Variants in MID1 observed in about 807,000 individuals in gnomAD.
MID1 encodes the protein E3 ubiquitin-protein ligase Midline-1.
In MID1, 7 loss-of-function variants were observed where a neutral mutation model predicts 40.4. That is an observed-to-expected ratio of 0.17 (90% CI 0.10 to 0.33). The LOEUF (loss-of-function observed/expected upper bound fraction) is 0.33, where lower values mean the gene tolerates loss of function less well. MID1 is among the 10% of genes least tolerant of loss of function. The pLI is 1.00. For synonymous variants in MID1, 229 were observed against 221.2 expected (o/e 1.04, Z -0.31); for missense variants, 367 against 558.5 (o/e 0.66, Z 3.46).
At chrX:10,787,084 T>C (rs1436352822) in intron 1 of MID1, among the ~76,000 whole-genome samples, 1 of 111,858 alleles carries the variant, frequency 8.9e-6, no homozygotes, top group Non-Finnish European at 1.9e-5. Flanking sequence ...TACAGGTTTA[T>C]TGTGGACAGT....
intron 2 of MID1, among the ~76,000 whole-genome samples, chrX:10,527,616 A>AC (rs1932857675): frequency 9.0e-6 from 1 of 110,820 alleles, no homozygotes; most frequent in African/African-American, 3.3e-5. Context: ...GTGCCTTTTC[A>AC]CCCCAGGGCC....
Position 10,450,891 on chromosome X carries a change from C to G in MID1, c.1656-1175G>C, listed in dbSNP as rs757453190. On this transcript the variant is annotated intron_variant, in intron 9 of 9. Transcript: ENST00000317552. ...CACTCTTTATAAAGAGTAAATGACTCACAGTTGAACTTTTAATATGTTATA... is the reference window on the plus strand; with the variant it reads ...CACTCTTTATAAAGAGTAAATGACTGACAGTTGAACTTTTAATATGTTATA... Among the ~76,000 whole-genome samples, 3 of 111,773 alleles carry G rather than the reference C, an allele frequency of 2.7e-5. No individual in the cohort carries two copies. The South Asian group carries it at 1.1e-3, about 42-fold the overall frequency.
At chrX:10,738,257 A>G (rs977421791) in intron 1 of MID1, among the ~76,000 whole-genome samples, 8 of 112,236 alleles carry the variant, frequency 7.1e-5, no homozygotes, top group African/African-American at 2.6e-4. Flanking sequence ...GAACAAACAC[A>G]TAACAGGAAA....
chrX:10,580,681 C>T (rs1227881942), intron 1 of MID1, among the ~76,000 whole-genome samples: 1 of 111,123 alleles, frequency 9.0e-6, no homozygotes, highest in African/African-American at 3.3e-5. Context: ...TGATTTTGCG[C>T]TCCATTAAAA....
chrX:10,498,985 C>T, intron 3 of MID1, among the ~76,000 whole-genome samples: 1 of 112,156 alleles, frequency 8.9e-6, no homozygotes, highest in Non-Finnish European at 1.9e-5. Flanking sequence ...TGCTGGGTCA[C>T]ATAACTGTGT....
At chrX:10,469,414 ATC>A in intron 7 of MID1, 1 of 1,059,412 alleles carries the variant, frequency 9.4e-7, no homozygotes, top group Non-Finnish European at 1.2e-6. Flanking sequence ...CTCTCTATGT[ATC>A]TCTCTATATA....
At chrX:10,634,127 C>T (rs1389944696) in intron 1 of MID1, among the ~76,000 whole-genome samples, 2 of 111,008 alleles carry the variant, frequency 1.8e-5, no homozygotes, top group African/African-American at 6.6e-5. Flanking sequence ...CATGAAAGGA[C>T]CATCAAAGAT....
At position 10,792,399 on chromosome X, in the gene MID1, T is replaced by C. The variant is rs146715178; in HGVS notation, c.-187+41155A>G. 2.0e-4 allele frequency among the ~76,000 whole-genome samples: 22 copies of C among 111,914 alleles called. No homozygotes were observed. In the East Asian group the frequency reaches 6.2e-3, roughly 32 times the overall value. On this transcript the variant is annotated intron_variant, in intron 1 of 10. Coordinates refer to the MID1 transcript ENST00000380785. ...CTGCAGTGGTACCTAAAAGAGAATA[T>C]TATAGTTGTAAGATCCAATAAGGTA...
At chrX:10,545,516 T>C (rs1250087342) in intron 2 of MID1, among the ~76,000 whole-genome samples, 1 of 111,871 alleles carries the variant, frequency 8.9e-6, no homozygotes, top group Non-Finnish European at 1.9e-5. Flanking sequence ...TCCTGCCTAA[T>C]TGACATAAGA....
intron 4 of MID1, among the ~76,000 whole-genome samples, chrX:10,485,894 A>G (rs936931019): frequency 7.2e-5 from 8 of 111,647 alleles, no homozygotes; most frequent in Non-Finnish European, 1.5e-4. Flanking sequence ...TAGTGTACAT[A>G]AAAGGCAGTG....
At chrX:10,823,992 A>G (rs2044197471) in intron 1 of MID1, among the ~76,000 whole-genome samples, 1 of 112,407 alleles carries the variant, frequency 8.9e-6, no homozygotes, top group African/African-American at 3.2e-5. Flanking sequence ...GGTCATTTAT[A>G]AATAAACTTT....
At chrX:10,478,849 G>A (rs188044119) in intron 5 of MID1, among the ~76,000 whole-genome samples, 321 of 112,303 alleles carry the variant, frequency 2.9e-3, no homozygotes, top group African/African-American at 9.5e-3. Flanking sequence ...GGGATTAAAA[G>A]TTTGTTCTGG....
intron 1 of MID1, among the ~76,000 whole-genome samples, chrX:10,635,552 T>C (rs924331812): frequency 1.8e-5 from 2 of 111,970 alleles, no homozygotes; most frequent in African/African-American, 6.5e-5. Flanking sequence ...ATGTTTTCTA[T>C]ATGCCTTCTA....
intron 1 of MID1, among the ~76,000 whole-genome samples, chrX:10,636,944 C>T (rs772102227): frequency 9.6e-6 from 1 of 104,195 alleles, no homozygotes; most frequent in East Asian, 3.0e-4. Flanking sequence ...CCATCAGAAG[C>T]ATTTGGGGTG....
intron 4 of MID1, among the ~76,000 whole-genome samples, chrX:10,494,240 T>C (rs1931110686): frequency 8.9e-6 from 1 of 112,201 alleles, no homozygotes; most frequent in South Asian, 3.7e-4. Flanking sequence ...GTAATCTATA[T>C]AGACAGAGTA....
At chrX:10,619,139 C>T (rs1197504958) in intron 1 of MID1, among the ~76,000 whole-genome samples, 1 of 111,815 alleles carries the variant, frequency 8.9e-6, no homozygotes, top group Non-Finnish European at 1.9e-5. Context: ...GGCAAGAAGG[C>T]GGAGGGTTTG....
intron 3 of MID1, among the ~76,000 whole-genome samples, chrX:10,514,608 A>G (rs1054962282): frequency 8.9e-6 from 1 of 112,387 alleles, no homozygotes; most frequent in African/African-American, 3.2e-5. Context: ...AACTGTTTCA[A>G]CTGTCTTACT....
chrX:10,719,032 TGATGG>T (rs1409588090), intron 1 of MID1, among the ~76,000 whole-genome samples: 1 of 111,874 alleles, frequency 8.9e-6, no homozygotes, highest in African/African-American at 3.2e-5. Context: ...AATTAGGTAT[TGATGG>T]GACGTATCTC....
intron 1 of MID1, among the ~76,000 whole-genome samples, chrX:10,717,185 C>A (rs2043310827): frequency 9.0e-6 from 1 of 111,384 alleles, no homozygotes; most frequent in African/African-American, 3.3e-5. Context: ...ATCAAATTCA[C>A]ACATAACAAT....
Sources: allele counts gnomAD v4.1 joint callset (sites outside exome capture counted in the v4.1 genomes callset), GRCh38; gene constraint gnomAD v4.1.1; transcripts MANE v1.5; gene names NCBI Gene and HGNC (gene_info 2026-07-23, HGNC 2026-07-21).